Variants in CLYBL observed in about 807,000 individuals in gnomAD.
CLYBL encodes the protein citramalyl-CoA lyase, mitochondrial.
Under a neutral mutation model 38.9 loss-of-function variants are expected in CLYBL, and 31 were observed. That is an observed-to-expected ratio of 0.80 (90% CI 0.60 to 1.08). The LOEUF (loss-of-function observed/expected upper bound fraction) is 1.08. CLYBL is among the 50% of genes least tolerant of loss of function. The pLI is 0.00. For synonymous variants in CLYBL, 171 were observed against 158.6 expected (o/e 1.08, Z -0.59); for missense variants, 434 against 411.6 (o/e 1.05, Z -0.47).
intron 2 of CLYBL, among the ~76,000 whole-genome samples, chr13:99,792,533 C>A (rs1476482344): frequency 6.6e-6 from 1 of 152,150 alleles, no homozygotes; most frequent in Non-Finnish European, 1.5e-5. Context: ...AGGCAAATGC[C>A]TTCTAAGTGG....
intron 1 of CLYBL, among the ~76,000 whole-genome samples, chr13:99,609,184 T>G (rs1196376255): frequency 7.5e-6 from 1 of 133,304 alleles, no homozygotes. Flanking sequence ...TTTTTTTTTT[T>G]TTTTTTTTTT....
chr13:99,672,603 A>T (rs902667191), intron 1 of CLYBL, among the ~76,000 whole-genome samples: 19 of 149,124 alleles, frequency 1.3e-4, no homozygotes, highest in Admixed American at 1.3e-4. Context: ...GTGAAACCCC[A>T]TCTCTACCAA....
intron 2 of CLYBL, chr13:99,783,786 C>T (rs1323109532): frequency 7.2e-6 from 1 of 139,344 alleles, no homozygotes; most frequent in African/African-American, 2.7e-5. Context: ...TTTGATTAAA[C>T]TTTGGGACAC....
chr13:99,703,474 AT>A (rs1253672587), intron 1 of CLYBL, among the ~76,000 whole-genome samples: 2 of 152,012 alleles, frequency 1.3e-5, no homozygotes, highest in Non-Finnish European at 2.9e-5. Context: ...GGTTCAAGCG[AT>A]TCTCCTGCCT....
chr13:99,909,411 A>C (rs1490115904), exon 10 of CLYBL, among the ~76,000 whole-genome samples: 1 of 152,250 alleles, frequency 6.6e-6, no homozygotes, highest in Non-Finnish European at 1.5e-5. Context: ...TGTAAAATAC[A>C]TGAAACAAAT....
chr13:99,785,967 G>A (rs888544952), intron 2 of CLYBL, among the ~76,000 whole-genome samples: 4 of 151,766 alleles, frequency 2.6e-5, no homozygotes, highest in African/African-American at 9.7e-5. Flanking sequence ...TGGAGAATGA[G>A]GATTTATCAT....
At chr13:99,723,816 G>A (rs1200293959) in intron 1 of CLYBL, among the ~76,000 whole-genome samples, 1 of 152,218 alleles carries the variant, frequency 6.6e-6, no homozygotes, top group African/African-American at 2.4e-5. Flanking sequence ...GTTCCAGTTT[G>A]GGTAGGTAAG....
chr13:99,728,811 G>A (rs1344766504), intron 1 of CLYBL, among the ~76,000 whole-genome samples: 1 of 152,024 alleles, frequency 6.6e-6, no homozygotes, highest in Non-Finnish European at 1.5e-5. Context: ...TCAAACTCCT[G>A]GGCTCAAAGA....
At chr13:99,662,786 G>A (rs2047428361) in intron 1 of CLYBL, among the ~76,000 whole-genome samples, 1 of 152,174 alleles carries the variant, frequency 6.6e-6, no homozygotes, top group African/African-American at 2.4e-5. Flanking sequence ...CTGAGACATT[G>A]TTAAGAATTA....
chr13:99,878,714 C>A (rs1275359364), intron 7 of CLYBL, among the ~76,000 whole-genome samples: 2 of 152,166 alleles, frequency 1.3e-5, no homozygotes, highest in Admixed American at 6.5e-5. Flanking sequence ...AATGTGTTAA[C>A]TCCCTTAGAT....
At chr13:99,703,613 C>T (rs573789937) in intron 1 of CLYBL, among the ~76,000 whole-genome samples, 1 of 152,276 alleles carries the variant, frequency 6.6e-6, no homozygotes, top group South Asian at 2.1e-4. Context: ...CGTGATCCGC[C>T]CACCTTGGCC....
At chr13:99,763,833 G>A (rs2049214510) in intron 1 of CLYBL, among the ~76,000 whole-genome samples, 1 of 152,070 alleles carries the variant, frequency 6.6e-6, no homozygotes, top group Non-Finnish European at 1.5e-5. Flanking sequence ...GATTACAGGC[G>A]TGAGCCACCG....
chr13:99,909,233 C>G (rs1241852154), exon 10 of CLYBL, among the ~76,000 whole-genome samples: 2 of 152,212 alleles, frequency 1.3e-5, no homozygotes, highest in Non-Finnish European at 2.9e-5. Context: ...TGTTATTAGA[C>G]TGCTCGAATA....
At chr13:99,902,536 C>T (rs1409913992) in intron 8 of CLYBL, among the ~76,000 whole-genome samples, 3 of 152,196 alleles carry the variant, frequency 2.0e-5, no homozygotes, top group Admixed American at 2.0e-4. Flanking sequence ...TCTCAAAGGG[C>T]ATATGTGTTA....
chr13:99,838,809 GT>G, intron 2 of CLYBL, among the ~76,000 whole-genome samples: 1 of 20,648 alleles, frequency 4.8e-5, no homozygotes, highest in African/African-American at 3.5e-4. Flanking sequence ...CTAATTTTTT[GT>G]GTGTGTTTTT....
intron 1 of CLYBL, among the ~76,000 whole-genome samples, chr13:99,689,542 T>G (rs954354900): frequency 2.0e-5 from 3 of 152,360 alleles, no homozygotes. Context: ...TGAAGGAGCA[T>G]GATTGAAATC....
chr13:99,756,845 A>G (rs2049071383), intron 1 of CLYBL, among the ~76,000 whole-genome samples: 1 of 152,218 alleles, frequency 6.6e-6, no homozygotes, highest in Admixed American at 6.5e-5. Flanking sequence ...CTTCAAATGG[A>G]CATGCGCTTC....
chr13:99,820,489 C>A (rs2050567825), intron 2 of CLYBL, among the ~76,000 whole-genome samples: 1 of 150,220 alleles, frequency 6.7e-6, no homozygotes. Flanking sequence ...TCCCCACCCC[C>A]ACCCAAAGAA....
At chr13:99,841,297 G>T (rs540506638) in intron 2 of CLYBL, among the ~76,000 whole-genome samples, 1 of 152,280 alleles carries the variant, frequency 6.6e-6, no homozygotes, top group East Asian at 1.9e-4. Flanking sequence ...GATGCCATAG[G>T]AGAGAAAAAG....
Sources: allele counts gnomAD v4.1 joint callset (sites outside exome capture counted in the v4.1 genomes callset), GRCh38; gene constraint gnomAD v4.1.1; transcripts MANE v1.5; gene names NCBI Gene and HGNC (gene_info 2026-07-23, HGNC 2026-07-21).